The following KRABD3 variants were observed in gnomAD, a reference collection of about 807,000 sequenced individuals.
KRABD3 encodes the protein KRAB domain containing 3.
chr7:149,728,385 GGACT>G, the KRABD3 span: 1 of 1,015,718 alleles, frequency 9.8e-7, no homozygotes, highest in South Asian at 1.5e-5. Flanking sequence ...GCCAGAGCCA[GGACT>G]GACACGTCCA....
At chr7:149,724,874 G>T in the KRABD3 span, 1 of 1,526,526 alleles carries the variant, frequency 6.6e-7, no homozygotes, top group Non-Finnish European at 8.8e-7. Context: ...TGGCTGCTCT[G>T]GTGGTCTTCC....
the KRABD3 span, chr7:149,723,831 A>G: frequency 1.2e-6 from 2 of 1,613,904 alleles, no homozygotes; most frequent in South Asian, 1.1e-5. Flanking sequence ...CCAGTCCCTC[A>G]GGAGTGGGGA....
At chr7:149,727,590 C>T in the KRABD3 span, among the ~76,000 whole-genome samples, 1 of 152,190 alleles carries the variant, frequency 6.6e-6, no homozygotes, top group Non-Finnish European at 1.5e-5. Context: ...TCTTTGACCC[C>T]TTTCTATACT....
chr7:149,731,621 C>G, the KRABD3 span: 1 of 1,365,284 alleles, frequency 7.3e-7, no homozygotes, highest in Non-Finnish European at 1.0e-6. Context: ...CAGAATGGCT[C>G]TGGCCAAACG....
chr7:149,715,957 G>T, the KRABD3 span, among the ~76,000 whole-genome samples: 27 of 152,348 alleles, frequency 1.8e-4, no homozygotes, highest in African/African-American at 6.3e-4. Flanking sequence ...GTAAAGTGAG[G>T]AGTTTGGGCC....
At chr7:149,722,654 C>A in the KRABD3 span, 1 of 1,487,716 alleles carries the variant, frequency 6.7e-7, no homozygotes, top group Non-Finnish European at 9.2e-7. Flanking sequence ...GTGGCAGCTC[C>A]ACCGGGCAGG....
At chr7:149,719,361 C>T in the KRABD3 span, 10 of 547,416 alleles carry the variant, frequency 1.8e-5, no homozygotes, top group Non-Finnish European at 2.8e-5. This position sits in a 1 kb window ranked among gnomAD's most constrained non-coding sequence, Gnocchi z 5.6. Flanking sequence ...AGGACTTCAG[C>T]GTGTCTCTGC....
the KRABD3 span, chr7:149,720,140 T>G: frequency 6.4e-7 from 1 of 1,551,080 alleles, no homozygotes; most frequent in Non-Finnish European, 8.7e-7. Context: ...AAGTTATCTG[T>G]CAGACTTTGG....
the KRABD3 span, chr7:149,720,076 G>T: frequency 6.4e-7 from 1 of 1,554,042 alleles, no homozygotes; most frequent in South Asian, 1.2e-5. Flanking sequence ...TGTTGGGGGA[G>T]GGAGCCACGC....
chr7:149,720,032 C>T, the KRABD3 span: 2 of 1,550,726 alleles, frequency 1.3e-6, no homozygotes, highest in African/African-American at 2.7e-5. Context: ...CTCCCCCTCT[C>T]TGCTTTCCTG....
the KRABD3 span, chr7:149,728,822 C>G: frequency 2.2e-6 from 2 of 889,268 alleles, no homozygotes. Context: ...GGCCAGAAAG[C>G]CAGATAGTCT....
the KRABD3 span, chr7:149,729,698 C>G: frequency 1.0e-6 from 1 of 985,430 alleles, no homozygotes; most frequent in Non-Finnish European, 1.2e-6. Context: ...AGATCTGCTG[C>G]AGGGCCTGCT....
the KRABD3 span, chr7:149,720,098 A>G: frequency 6.4e-7 from 1 of 1,553,344 alleles, no homozygotes; most frequent in Non-Finnish European, 8.7e-7. Context: ...GATGAGGGGC[A>G]GGAGCCTGCT....
At chr7:149,733,759 G>A in the KRABD3 span, 3 of 1,591,172 alleles carry the variant, frequency 1.9e-6, no homozygotes, top group Non-Finnish European at 2.6e-6. Flanking sequence ...AGCAGCTGCT[G>A]TCCTCTACAC....
the KRABD3 span, chr7:149,729,273 A>G: frequency 3.7e-6 from 6 of 1,605,108 alleles, no homozygotes; most frequent in Non-Finnish European, 5.1e-6. Context: ...TGGTCAGCCC[A>G]CAGGTGTTCA....
the KRABD3 span, chr7:149,734,191 C>G: frequency 8.7e-6 from 10 of 1,147,244 alleles, no homozygotes; most frequent in Non-Finnish European, 1.2e-5. Context: ...TTTGTCCCAA[C>G]TGGGTAGAGC....
At chr7:149,730,563 G>T in the KRABD3 span, 35 of 1,611,478 alleles carry the variant, frequency 2.2e-5, no homozygotes, top group Non-Finnish European at 2.7e-5. Context: ...AGCGGCCTCG[G>T]TGCAGGTGAG....
At chr7:149,733,189 C>G in the KRABD3 span, 1 of 1,580,764 alleles carries the variant, frequency 6.3e-7, no homozygotes, top group Non-Finnish European at 8.6e-7. Context: ...TCTGACCGGT[C>G]CTTGCTCTGG....
the KRABD3 span, chr7:149,729,490 G>A: frequency 7.9e-7 from 1 of 1,265,462 alleles, no homozygotes; most frequent in African/African-American, 1.5e-5. Context: ...TTCCCCAGAG[G>A]ACAGAAGCTG....
Sources: allele counts gnomAD v4.1 joint callset (sites outside exome capture counted in the v4.1 genomes callset), GRCh38; gene constraint gnomAD v4.1.1; non-coding constraint Gnocchi (gnomAD v3.1); transcripts MANE v1.5; gene names NCBI Gene and HGNC (gene_info 2026-07-23, HGNC 2026-07-21).